Variants in LSAMP observed in about 807,000 individuals in gnomAD.
The protein encoded by LSAMP is limbic system associated membrane protein, also known as limbic system-associated membrane protein.
Under a neutral mutation model 38.6 loss-of-function variants are expected in LSAMP, and 7 were observed. The ratio of observed to expected loss-of-function variants is 0.18; its 90% CI spans 0.10 to 0.34. LSAMP has a LOEUF of 0.34. LSAMP is among the 10% of genes least tolerant of loss of function. The pLI is 1.00. For synonymous variants in LSAMP, 154 were observed against 166.8 expected, an observed-to-expected ratio of 0.92 and a Z score of 0.59; for missense variants, 313 against 420.0, an observed-to-expected ratio of 0.75 and a Z score of 2.23.
At chr3:116,254,040 C>T (rs998744986) in intron 1 of LSAMP, among the ~76,000 whole-genome samples, 6 of 152,158 alleles carry the variant, frequency 3.9e-5, no homozygotes, top group African/African-American at 1.4e-4. Flanking sequence ...GCATATCCTT[C>T]ATAGAGGATG....
chr3:115,964,145 A>T lies in LSAMP; in HGVS notation c.514+55370T>A, dbSNP rs573889833. Among the ~76,000 whole-genome samples the T allele has an allele frequency of 9.2e-5, 14 of 152,194 alleles. No individual in the cohort carries two copies. In the East Asian group the frequency reaches 2.7e-3, roughly 29 times the overall value. ...TTTTGCCCTGTTCTTAATAGCTTTT[A>T]TTGTATCCTGTTTGTACTCTTATGG... On this transcript the variant is annotated intron_variant, in intron 3 of 6. Transcript: ENST00000490035.
rs75743181 is a variant in LSAMP, at chr3:116,287,384, C to T, written c.155+157493G>A. Among the ~76,000 whole-genome samples the T allele has an allele frequency of 3.1e-3, 466 of 152,236 alleles. 3 individuals carry two copies. The highest frequency in any genetic ancestry group is 0.011 in the African/African-American group (453 of 41,560). ...GCATGAAGACTTAATTTGCAATCCA[C>T]ACAAATCCCTCTGTCCAAGTGGGTT... On this transcript the variant is annotated intron_variant, in intron 1 of 6. Coordinates refer to ENST00000490035, the MANE Select transcript of LSAMP (RefSeq NM_002338.5).
chr3:115,944,961 A>G (rs973953082), intron 3 of LSAMP, among the ~76,000 whole-genome samples: 2 of 152,018 alleles, frequency 1.3e-5, no homozygotes, highest in Non-Finnish European at 2.9e-5. Flanking sequence ...TCAAAAATTT[A>G]TATGTTGCTT....
intron 3 of LSAMP, among the ~76,000 whole-genome samples, chr3:115,969,669 T>A (rs374378818): frequency 2.0e-5 from 3 of 152,180 alleles, no homozygotes; most frequent in South Asian, 2.1e-4. Context: ...GTTTCTGACA[T>A]TTTACTCAGT....
chr3:115,908,973 A>C (rs1937075809), intron 3 of LSAMP, among the ~76,000 whole-genome samples: 1 of 152,138 alleles, frequency 6.6e-6, no homozygotes, highest in Non-Finnish European at 1.5e-5. Flanking sequence ...GTATCCCATG[A>C]TCATGTACTT....
At chr3:116,124,068 T>A (rs1263976747) in intron 1 of LSAMP, among the ~76,000 whole-genome samples, 1 of 152,188 alleles carries the variant, frequency 6.6e-6, no homozygotes, top group Non-Finnish European at 1.5e-5. Context: ...TGCAACATGC[T>A]TTTCATATGT....
intron 1 of LSAMP, among the ~76,000 whole-genome samples, chr3:116,163,127 A>G (rs1458669772): frequency 1.3e-5 from 2 of 151,676 alleles, no homozygotes; most frequent in African/African-American, 4.8e-5. Flanking sequence ...CACAACGTGC[A>G]GGTTTGTTAC....
chr3:115,990,512 A>G (rs1168857495), intron 3 of LSAMP, among the ~76,000 whole-genome samples: 2 of 152,078 alleles, frequency 1.3e-5, no homozygotes, highest in African/African-American at 4.8e-5. Flanking sequence ...TTCCTCCAAA[A>G]TGCTTATTTT....
intron 3 of LSAMP, among the ~76,000 whole-genome samples, chr3:115,961,904 C>T (rs933277707): frequency 5.9e-5 from 9 of 152,124 alleles, no homozygotes; most frequent in Admixed American, 6.6e-5. Context: ...TACTTCTATC[C>T]GGCAGAGAAA....
intron 3 of LSAMP, among the ~76,000 whole-genome samples, chr3:115,991,238 G>C (rs1939657476): frequency 6.6e-6 from 1 of 152,060 alleles, no homozygotes; most frequent in East Asian, 1.9e-4. Context: ...GCTTTGCCAA[G>C]ATTATAACTC....
intron 1 of LSAMP, among the ~76,000 whole-genome samples, chr3:116,096,049 A>G (rs953955543): frequency 6.6e-6 from 1 of 152,194 alleles, no homozygotes; most frequent in Non-Finnish European, 1.5e-5. Context: ...AAGCTATAAA[A>G]CGAAGATGAT....
chr3:116,179,910 T>G (rs1710444573), intron 1 of LSAMP, among the ~76,000 whole-genome samples: 1 of 152,200 alleles, frequency 6.6e-6, no homozygotes, highest in South Asian at 2.1e-4. Flanking sequence ...CCTCCTAGTC[T>G]TTTTAGTAGT....
At chr3:115,854,285 T>TGATTA (rs1559851928) in intron 3 of LSAMP, among the ~76,000 whole-genome samples, 1 of 92,114 alleles carries the variant, frequency 1.1e-5, no homozygotes, top group Admixed American at 1.1e-4. Context: ...TATTATTATT[T>TGATTA]TTTTTTTTTT....
rs912592661 is a variant in LSAMP, at chr3:115,808,710, C to T, written c.*1607G>A. 6.6e-6 allele frequency: 1 copy of T among 152,148 alleles called. No homozygotes were observed. Among genetic ancestry groups the T allele is most frequent in the African/African-American group, 2.4e-5 (1 of 41,436 alleles). 9.4% of individuals were successfully genotyped at this position (152,148 alleles called of 1,614,324 possible). The stretch of plus-strand genomic sequence containing the variant: ...GGTGCTGCAAACACCATCAGTGAAA[C>T]AGAACAGGGATTATGCAGGCAACCA... On this transcript the variant is annotated 3_prime_UTR_variant, in exon 7 of 7. Coordinates refer to ENST00000490035, the MANE Select transcript of LSAMP (RefSeq NM_002338.5).
chr3:116,188,067 C>T (rs756090648), intron 1 of LSAMP, among the ~76,000 whole-genome samples: 1 of 152,052 alleles, frequency 6.6e-6, no homozygotes, highest in Non-Finnish European at 1.5e-5. Context: ...TTTTTCTATG[C>T]AAATCATTCC....
chr3:115,857,129 T>C (rs1374127351), intron 3 of LSAMP, among the ~76,000 whole-genome samples: 1 of 152,218 alleles, frequency 6.6e-6, no homozygotes, highest in African/African-American at 2.4e-5. Context: ...TGTGGAGTTA[T>C]CGTTTTGGAA....
intron 1 of LSAMP, among the ~76,000 whole-genome samples, chr3:116,246,368 ATTC>A (rs2046605580): frequency 6.6e-6 from 1 of 152,226 alleles, no homozygotes; most frequent in African/African-American, 2.4e-5. Context: ...TATACAATAT[ATTC>A]TTGACACAAA....
intron 1 of LSAMP, among the ~76,000 whole-genome samples, chr3:116,302,514 C>A (rs1409409850): frequency 6.6e-6 from 1 of 152,214 alleles, no homozygotes; most frequent in Non-Finnish European, 1.5e-5. Flanking sequence ...AACAGCACAT[C>A]AATGATTAAT....
intron 1 of LSAMP, among the ~76,000 whole-genome samples, chr3:116,246,508 A>G (rs1473012910): frequency 2.0e-5 from 3 of 152,108 alleles, no homozygotes; most frequent in Non-Finnish European, 4.4e-5. Context: ...TTTGATGTGA[A>G]TGACTATAGC....
Sources: allele counts gnomAD v4.1 joint callset (sites outside exome capture counted in the v4.1 genomes callset), GRCh38; gene constraint gnomAD v4.1.1; transcripts MANE v1.5; gene names NCBI Gene and HGNC (gene_info 2026-07-23, HGNC 2026-07-21).